CASK: variants seen among roughly 807,000 people sequenced by gnomAD.
CASK encodes the protein peripheral plasma membrane protein CASK.
Under a neutral mutation model 82.9 loss-of-function variants are expected in CASK, and 4 were observed. The ratio of observed to expected loss-of-function variants is 0.05; its 90% CI spans 0.02 to 0.11. CASK has a LOEUF of 0.11. Ranked by LOEUF, CASK falls within the 10% of genes least tolerant of loss-of-function variation. CASK has a pLI of 1.00. For missense variants in CASK, 358 were observed against 720.9 expected (o/e 0.50, Z 5.76); for synonymous variants, 259 against 253.5 (o/e 1.02, Z -0.20).
At chrX:41,676,890 G>A (rs978122235) in intron 5 of CASK, among the ~76,000 whole-genome samples, 1 of 112,212 alleles carries the variant, frequency 8.9e-6, no homozygotes, top group Non-Finnish European at 1.9e-5. Flanking sequence ...GGATATGAGC[G>A]TGAGAGAAAG....
At chrX:41,809,837 T>A (rs549712776) in intron 2 of CASK, among the ~76,000 whole-genome samples, 3 of 111,405 alleles carry the variant, frequency 2.7e-5, no homozygotes, top group Non-Finnish European at 3.8e-5. Context: ...GCTAAAAACC[T>A]TGAAAAAAGA....
intron 5 of CASK, chrX:41,696,754 T>C: frequency 8.4e-7 from 1 of 1,187,753 alleles, no homozygotes; most frequent in Non-Finnish European, 1.1e-6. Context: ...GCAGTGAAAA[T>C]ACAGTCTAGT....
chrX:41,612,682 C>T (rs1237387368), intron 11 of CASK, among the ~76,000 whole-genome samples: 2 of 90,988 alleles, frequency 2.2e-5, no homozygotes, highest in Admixed American at 2.2e-4. Flanking sequence ...CCCGGCCAGC[C>T]GCCCCGTCCG....
intron 24 of CASK, among the ~76,000 whole-genome samples, chrX:41,534,392 AACACACACACACACACACAC>A (rs56349527): frequency 1.1e-5 from 1 of 91,222 alleles, no homozygotes; most frequent in African/African-American, 4.0e-5. Context: ...TTTTATTTAA[AACACACACACACACACACAC>A]ACACACACAC....
chrX:41,799,973 C>T (rs1413141908), intron 2 of CASK, among the ~76,000 whole-genome samples: 1 of 108,148 alleles, frequency 9.2e-6, no homozygotes, highest in African/African-American at 3.4e-5. Context: ...ATAGAGCAAG[C>T]GGCAGAAGCT....
At chrX:41,648,633 C>A (rs758209478) in intron 8 of CASK, among the ~76,000 whole-genome samples, 1 of 111,352 alleles carries the variant, frequency 9.0e-6, no homozygotes, top group Non-Finnish European at 1.9e-5. Flanking sequence ...TTTATCATGC[C>A]GGCCGACGCT....
intron 9 of CASK, among the ~76,000 whole-genome samples, chrX:41,629,738 T>C: frequency 8.9e-6 from 1 of 112,029 alleles, no homozygotes; most frequent in East Asian, 2.8e-4. Flanking sequence ...TAATAAAACT[T>C]TATATACAAG....
At chrX:41,771,313 G>A (rs191643677) in intron 3 of CASK, among the ~76,000 whole-genome samples, 1 of 111,511 alleles carries the variant, frequency 9.0e-6, no homozygotes, top group East Asian at 2.8e-4. Context: ...AAATAACTCT[G>A]AAACTAAGAA....
intron 1 of CASK, among the ~76,000 whole-genome samples, chrX:41,909,057 C>G (rs1361985946): frequency 1.8e-5 from 2 of 112,116 alleles, no homozygotes; most frequent in African/African-American, 6.5e-5. Flanking sequence ...CAGTGGTTCT[C>G]AATCTTTAGC....
At chrX:41,856,700 G>A (rs1487815647) in intron 1 of CASK, among the ~76,000 whole-genome samples, 1 of 107,790 alleles carries the variant, frequency 9.3e-6, no homozygotes, top group African/African-American at 3.4e-5. Flanking sequence ...GGAGGCTGAG[G>A]CAGGAGAATG....
At chrX:41,789,018 C>A (rs1014425634) in intron 2 of CASK, among the ~76,000 whole-genome samples, 2 of 111,634 alleles carry the variant, frequency 1.8e-5, no homozygotes, top group Non-Finnish European at 3.8e-5. Flanking sequence ...AGGTTTTGAA[C>A]CCTGGCCTGC....
At chrX:41,564,650 C>T (rs1033365093) in intron 16 of CASK, among the ~76,000 whole-genome samples, 2 of 111,981 alleles carry the variant, frequency 1.8e-5, no homozygotes, top group Non-Finnish European at 1.9e-5. Context: ...ATGATGTTTC[C>T]TGCTGTCAAT....
chrX:41,723,617 A>G (rs747498171), intron 5 of CASK, among the ~76,000 whole-genome samples: 1 of 111,510 alleles, frequency 9.0e-6, no homozygotes, highest in East Asian at 2.8e-4. Context: ...TTAACTCATT[A>G]GTAACCAAAC....
At chrX:41,766,355 T>C (rs112922167) in intron 3 of CASK, among the ~76,000 whole-genome samples, 1,276 of 112,221 alleles carry the variant, frequency 0.011, 21 homozygotes, top group African/African-American at 0.038. Context: ...TTTTCAGAGA[T>C]AAGATATACA....
intron 5 of CASK, among the ~76,000 whole-genome samples, chrX:41,687,872 C>T (rs1336044299): frequency 1.9e-5 from 2 of 104,823 alleles, no homozygotes; most frequent in African/African-American, 7.0e-5. Context: ...GCAGGAGAAT[C>T]GCTTGAACCT....
At chrX:41,542,614 C>G (rs2064962570) in intron 22 of CASK, 77 bp downstream of exon 22, 2 of 660,820 alleles carry the variant, frequency 3.0e-6, no homozygotes, top group Admixed American at 5.0e-5. Flanking sequence ...ACACTGAAGA[C>G]TGAATTAAAA....
chrX:41,555,654 C>T lies in CASK; in HGVS notation c.1807-19G>A, dbSNP rs771276494. ...GCAAGTCCTGTAGAATAAAGCCAAC[C>T]CAGGAGAAAAATTTTCATTTATTTT... On this transcript the variant is annotated intron_variant, in intron 19 of 26. Transcript: ENST00000378163. The T allele has an allele frequency of 1.9e-5, 22 of 1,173,566 alleles. No individual in the cohort carries two copies. Among genetic ancestry groups the T allele is most frequent in the Non-Finnish European group, 5.8e-6 (5 of 862,921 alleles).
intron 3 of CASK, among the ~76,000 whole-genome samples, chrX:41,751,522 T>C (rs1265475776): frequency 9.6e-6 from 1 of 104,549 alleles, no homozygotes; most frequent in African/African-American, 3.6e-5. Flanking sequence ...AGGGGAAGAA[T>C]GTGGGTTTTG....
chrX:41,662,821 A>AT (rs35277695), intron 7 of CASK, among the ~76,000 whole-genome samples: 1 of 109,014 alleles, frequency 9.2e-6, no homozygotes, highest in Non-Finnish European at 1.9e-5. Flanking sequence ...TGATGAAATA[A>AT]TTTTTTTGAA....
Sources: allele counts gnomAD v4.1 joint callset (sites outside exome capture counted in the v4.1 genomes callset), GRCh38; gene constraint gnomAD v4.1.1; transcripts MANE v1.5; gene names NCBI Gene and HGNC (gene_info 2026-07-23, HGNC 2026-07-21).